EP400: variants seen among roughly 807,000 people sequenced by gnomAD.
EP400 encodes E1A binding protein p400, also known as E1A-binding protein p400.
A neutral mutation model predicts 354.1 loss-of-function variants in EP400; 105 were observed. That is an observed-to-expected ratio of 0.30 (90% confidence interval 0.25 to 0.35). The LOEUF is 0.35. Among genes scored for constraint, EP400 ranks in the 10% least tolerant of loss-of-function variants. The pLI is 1.00. For missense variants in EP400, 3,280 were observed against 4,121.0 expected (o/e 0.80, Z 5.59); for synonymous variants, 1,646 against 1,716.9 (o/e 0.96, Z 1.02).
chr12:131,976,150 C>T (rs12812393), intron 2 of EP400, among the ~76,000 whole-genome samples: 2,442 of 152,168 alleles, frequency 0.016, 29 homozygotes, highest in Non-Finnish European at 0.024. Context: ...TCTTTTATTG[C>T]AGTATATTTT....
In EP400 at chr12:131,987,853, C is replaced by T; in HGVS notation, c.2372C>T (p.Ala791Val). Reference protein sequence around the residue: ...EEMQWMATDFAQERRWKVAAA... With the variant: ...EEMQWMATDFVQERRWKVAAA... ...ATGCAGTGGATGGCCACAGACTTTG[C>T]CCAGGAGAGGAGGTGGAAGGTGGCT... Residue 791 changes from alanine to valine, a missense_variant, in exon 7 of 53, where the codon GCC (alanine) becomes GTC (valine). Physicochemically the swap from Ala to Val is moderately conservative, Grantham distance 64 (BLOSUM62 0). Around this residue, in one of 20 missense-constraint regions of EP400, gnomAD observed 800 missense variants for 840.0 expected, o/e 0.95. Transcript: ENST00000389561. The T allele has an allele frequency of 6.2e-7, 1 of 1,612,206 alleles. No homozygotes were observed.
intron 13 of EP400, among the ~76,000 whole-genome samples, 180 bp from the exon 14 acceptor site, chr12:132,005,932 G>A (rs2136523502): frequency 6.6e-6 from 1 of 152,218 alleles, no homozygotes; most frequent in African/African-American, 2.4e-5. Flanking sequence ...TTTCATGAGA[G>A]TTCTCTCCCA....
Position 132,064,802 on chromosome 12 carries a change from C to T in EP400, c.8469C>T (p.Ser2823=), listed in dbSNP as rs1895835472. ...VQTSQPPQQQ[S]PQLTTVTAPR... ...CCTCGCAGCCGCCGCAGCAGCAGAG[C>T]CCCCAGCTCACGACGGTCACGGCCC... The change falls in exon 48 of 53, where the codon AGC becomes AGT. Residue 2823 remains serine, a synonymous_variant. Transcript: ENST00000389561. 1.2e-6 allele frequency: 2 copies of T among 1,612,826 alleles called. No homozygotes were observed. The highest frequency in any genetic ancestry group is 1.1e-5 in the South Asian group (1 of 91,062).
chr12:132,062,192 C>A lies in EP400; in HGVS notation c.7967C>A (p.Pro2656His). Residue 2656 changes from proline (P) to histidine (H), a missense_variant, in exon 46 of 53, where the codon CCT (proline) becomes CAT (histidine). Transcript: ENST00000389561. The part of the protein sequence containing the change: ...RAVGSPATAT[P>H]DLVSMATTQG... ...GTCGGCTCCCCAGCCACGGCGACCC[C>A]TGACCTGGTGTCCATGGCAACGACT... 1 of 1,614,172 alleles carries A rather than the reference C, an allele frequency of 6.2e-7. No individual in the cohort carries two copies. Among genetic ancestry groups the A allele is most frequent in the Non-Finnish European group, 8.5e-7 (1 of 1,180,018 alleles).
intron 12 of EP400, among the ~76,000 whole-genome samples, chr12:131,996,295 CTTTTTT>C (rs575217796): frequency 7.8e-5 from 10 of 128,242 alleles, no homozygotes; most frequent in African/African-American, 3.2e-5. Context: ...GGAAGGAACT[CTTTTTT>C]TTTTTTTTTT....
intron 2 of EP400, among the ~76,000 whole-genome samples, chr12:131,976,580 C>T (rs1270812828): frequency 6.6e-6 from 1 of 151,886 alleles, no homozygotes; most frequent in Non-Finnish European, 1.5e-5. Flanking sequence ...GGCATGGTGG[C>T]GCACCTGTAG....
In EP400 at chr12:132,079,116, C is replaced by T. The variant is rs1026776917; in HGVS notation, c.*1443C>T. On this transcript the variant is annotated 3_prime_UTR_variant, in exon 53 of 53. Transcript: ENST00000389561. ...TTTTTAAATTGTATTTCATCTGCTTCCTCCCCATTCTCTCACTTTAAGTGA... is the reference window on the plus strand; with the variant it reads ...TTTTTAAATTGTATTTCATCTGCTTTCTCCCCATTCTCTCACTTTAAGTGA... 4.6e-5 allele frequency: 7 copies of T among 152,326 alleles called. No homozygotes were observed. The highest frequency in any genetic ancestry group is 8.8e-5 in the Non-Finnish European group (6 of 68,028). The allele number at this position is 152,326 out of a possible 1,614,324, so 9.4% of individuals were successfully genotyped here. A position where few individuals can be genotyped will look rare whatever the true frequency, so the allele number is the denominator to read the frequency against.
rs1226918637 is a variant in EP400 at position 132,078,958 on chromosome 12, G to T, written c.*1285G>T. 2 of 152,168 alleles carry T rather than the reference G, an allele frequency of 1.3e-5. No homozygotes were observed. The highest frequency in any genetic ancestry group is 3.2e-3 in the Middle Eastern group (1 of 316). The allele number at this position is 152,168 out of a possible 1,614,324, so 9.4% of individuals were successfully genotyped here. ...TTTGAAGTTTTCACCAAAGCAAAAA[G>T]GTCCATATCCAATAGTATCCTTTGT... On this transcript the variant is annotated 3_prime_UTR_variant, in exon 53 of 53. Transcript: ENST00000389561.
In EP400 at chr12:132,013,143, C is replaced by T. The variant is rs760645759; in HGVS notation, c.3576C>T (p.Thr1192=). The stretch of plus-strand genomic sequence containing the variant: ...AGATGCAGCGCGTGAAGGGCATGAC[C>T]GAGAGGCACTGGGAAGCGGTTTTCA... ...IDEMQRVKGM[T]ERHWEAVFTL... The change falls in exon 17 of 53, where the codon ACC becomes ACT. Residue 1192 remains threonine, a synonymous_variant. Coordinates refer to ENST00000389561, the MANE Select transcript of EP400 (RefSeq NM_015409.5). The surrounding 1 kb of genome is among the most constrained non-coding windows in gnomAD (Gnocchi z 4.5). 1.1e-5 allele frequency: 17 copies of T among 1,613,866 alleles called. No homozygotes were observed. The highest frequency in any genetic ancestry group is 2.2e-5 in the South Asian group (2 of 91,072).
intron 3 of EP400, among the ~76,000 whole-genome samples, chr12:131,980,899 G>A (rs1390554047): frequency 6.6e-6 from 1 of 152,204 alleles, no homozygotes; most frequent in Admixed American, 6.5e-5. Flanking sequence ...GAAATTGCTA[G>A]ATCAAAGCGC....
Position 132,054,926 on chromosome 12 carries a change from G to A in EP400, c.7729-48G>A, listed in dbSNP as rs1895432096. The A allele has an allele frequency of 6.3e-7, 1 of 1,586,710 alleles. No individual in the cohort carries two copies. The highest frequency in any genetic ancestry group is 8.7e-7 in the Non-Finnish European group (1 of 1,156,044). ...TGGAAGCCTTTGGAGGATTTATGCA[G>A]GGGAGAGCCTGACGTGAAATTCAAA... On this transcript the variant is annotated intron_variant, in intron 43 of 52. Transcript: ENST00000389561. The surrounding 1 kb of genome is among the most constrained non-coding windows in gnomAD (Gnocchi z 4.0).
rs555419462 is a variant in EP400 at position 132,024,675 on chromosome 12, C to T, written c.4855+734C>T. ...CTCAAGGAACACCCACAGCAGCCCC[C>T]GCAGCCTCCTTCCCCCACCTTCCTC... On this transcript the variant is annotated intron_variant, in intron 24 of 52. Coordinates refer to ENST00000389561, the MANE Select transcript of EP400 (RefSeq NM_015409.5). Among the ~76,000 whole-genome samples, 16 of 151,554 alleles carry T rather than the reference C, an allele frequency of 1.1e-4. No individual in the cohort carries two copies. The East Asian group carries it at 2.1e-3, about 20-fold the overall frequency.
intron 39 of EP400, among the ~76,000 whole-genome samples, chr12:132,046,600 G>A (rs1895106043): frequency 1.3e-5 from 2 of 152,156 alleles, no homozygotes; most frequent in Admixed American, 1.3e-4. Context: ...TTTCATGTAA[G>A]AAGTCAGCTG....
At chr12:132,040,217 C>T (rs372568557) in intron 32 of EP400, among the ~76,000 whole-genome samples, 2 of 151,950 alleles carry the variant, frequency 1.3e-5, no homozygotes, top group South Asian at 2.1e-4. Context: ...CAAAAGATAG[C>T]GAGTGTTGGC....
chr12:132,030,119 T>C lies in EP400; in HGVS notation c.5715T>C (p.Tyr1905=). ...EMFLNFHYLT[Y]VRIDENASSE... is the part of the protein sequence containing the mutation. ...TCTTGAACTTCCATTACCTCACCTA[T>C]GTAAGAATCGATGAAAATGCCAGCA... The change falls in exon 29 of 53, where the codon TAT becomes TAC. Residue 1905 remains tyrosine, a synonymous_variant. Coordinates refer to ENST00000389561, the MANE Select transcript of EP400 (RefSeq NM_015409.5). 6.2e-7 allele frequency: 1 copy of C among 1,614,172 alleles called. No homozygotes were observed. The highest frequency in any genetic ancestry group is 1.1e-5 in the South Asian group (1 of 91,088).
At chr12:131,974,865 C>T (rs1339892956) in intron 2 of EP400, among the ~76,000 whole-genome samples, 1 of 151,624 alleles carries the variant, frequency 6.6e-6, no homozygotes, top group Non-Finnish European at 1.5e-5. Flanking sequence ...TGGCAGGCGC[C>T]TGTAATTCCA....
chr12:132,066,127 A>T (rs185888876), intron 48 of EP400: 1 of 152,200 alleles, frequency 6.6e-6, no homozygotes, highest in Non-Finnish European at 1.5e-5. Flanking sequence ...AGAGAAACAG[A>T]TTTCAAAATA....
chr12:131,966,795 T>C (rs1320185016), intron 2 of EP400, among the ~76,000 whole-genome samples: 2 of 149,538 alleles, frequency 1.3e-5, no homozygotes, highest in Non-Finnish European at 3.0e-5. Context: ...TCCCAGCTAC[T>C]TGGGAGGCTG....
In EP400 at chr12:132,024,831, C is replaced by T. The variant is rs565786330; in HGVS notation, c.4856-815C>T. On this transcript the variant is annotated intron_variant, in intron 24 of 52. Coordinates refer to ENST00000389561, the MANE Select transcript of EP400 (RefSeq NM_015409.5). ...CACCCCCCCACAGCAGCCCCGGTGG[C>T]ACCTTCCCCCACCTTCCCTCACCTT... Among the ~76,000 whole-genome samples, 403 of 149,954 alleles carry T rather than the reference C, an allele frequency of 2.7e-3. 4 individuals carry two copies. The highest frequency in any genetic ancestry group is 9.5e-3 in the African/African-American group (386 of 40,744).
Sources: allele counts gnomAD v4.1 joint callset (sites outside exome capture counted in the v4.1 genomes callset), GRCh38; gene constraint gnomAD v4.1.1; regional missense constraint gnomAD v4.1.1; non-coding constraint Gnocchi (gnomAD v3.1); transcripts MANE v1.5; gene names NCBI Gene and HGNC (gene_info 2026-07-23, HGNC 2026-07-21).